Variants in KCNH7 observed in about 807,000 individuals in gnomAD.
The protein encoded by KCNH7 is voltage-gated inwardly rectifying potassium channel KCNH7.
Under a neutral mutation model 120.8 loss-of-function variants are expected in KCNH7, and 49 were observed. The observed-to-expected ratio is 0.41, with a 90% CI of 0.32 to 0.51. The LOEUF (loss-of-function observed/expected upper bound fraction) is 0.51, where lower values mean the gene tolerates loss of function less well. KCNH7 is among the 20% of genes least tolerant of loss of function. The pLI is 0.38. For synonymous variants in KCNH7, 547 were observed against 516.1 expected, an observed-to-expected ratio of 1.06 and a Z score of -0.81; for missense variants, 1,097 against 1,446.6, an observed-to-expected ratio of 0.76 and a Z score of 3.92.
At chr2:162,605,031 T>C (rs1559040545) in intron 2 of KCNH7, among the ~76,000 whole-genome samples, 1 of 152,098 alleles carries the variant, frequency 6.6e-6, no homozygotes, top group Non-Finnish European at 1.5e-5. Flanking sequence ...ATTTCATAAA[T>C]GAGTCCTAAA....
At chr2:162,597,304 T>G (rs1181356520) in intron 2 of KCNH7, among the ~76,000 whole-genome samples, 1 of 152,050 alleles carries the variant, frequency 6.6e-6, no homozygotes, top group Non-Finnish European at 1.5e-5. Context: ...AAATGCTCGA[T>G]GATCAATTGA....
rs139672216 is a variant in KCNH7 at position 162,764,914 on chromosome 2, T to C, written c.307+71623A>G. Among the ~76,000 whole-genome samples the C allele has an allele frequency of 6.7e-3, 1,028 of 152,298 alleles. 6 individuals are homozygous for C. The highest frequency in any genetic ancestry group is 0.023 in the African/African-American group (974 of 41,560). ...AACATATTTTGGTTAGCCAACATAATTTTTTAAAGCTGTTATATTTTTAAA... is the reference window on the plus strand; with the variant it reads ...AACATATTTTGGTTAGCCAACATAACTTTTTAAAGCTGTTATATTTTTAAA... On this transcript the variant is annotated intron_variant, in intron 2 of 15. Coordinates refer to ENST00000332142, the MANE Select transcript of KCNH7 (RefSeq NM_033272.4).
At chr2:162,771,156 T>C (rs1222150308) in intron 2 of KCNH7, among the ~76,000 whole-genome samples, 1 of 152,152 alleles carries the variant, frequency 6.6e-6, no homozygotes, top group Admixed American at 6.5e-5. Context: ...CCATTTCCAT[T>C]TTCTGAAGCA....
At chr2:162,450,316 C>T (rs1427522424) in intron 6 of KCNH7, among the ~76,000 whole-genome samples, 1 of 152,006 alleles carries the variant, frequency 6.6e-6, no homozygotes, top group Non-Finnish European at 1.5e-5. Flanking sequence ...GACACAGAAC[C>T]ACTGCAATTT....
At chr2:162,750,832 C>T (rs1688514245) in intron 2 of KCNH7, among the ~76,000 whole-genome samples, 1 of 152,024 alleles carries the variant, frequency 6.6e-6, no homozygotes. Context: ...GAAAGTTATG[C>T]CTCTCAATAT....
chr2:162,590,192 G>A (rs1333029383), intron 2 of KCNH7, among the ~76,000 whole-genome samples: 2 of 151,998 alleles, frequency 1.3e-5, no homozygotes, highest in South Asian at 4.1e-4. Flanking sequence ...AAATACACCT[G>A]AAAATAGTTT....
chr2:162,532,068 T>G (rs1383549437), intron 3 of KCNH7, among the ~76,000 whole-genome samples: 1 of 151,772 alleles, frequency 6.6e-6, no homozygotes, highest in Non-Finnish European at 1.5e-5. Context: ...TATATAAACC[T>G]TGGAGATTTA....
intron 2 of KCNH7, among the ~76,000 whole-genome samples, chr2:162,542,322 C>T (rs1692336570): frequency 6.7e-6 from 1 of 150,148 alleles, no homozygotes; most frequent in African/African-American, 2.5e-5. Context: ...CATATGTATT[C>T]ATGTGCCATG....
chr2:162,608,443 T>A (rs1682853270), intron 2 of KCNH7, among the ~76,000 whole-genome samples: 1 of 152,180 alleles, frequency 6.6e-6, no homozygotes, highest in South Asian at 2.1e-4. Flanking sequence ...TCAGAAGCCA[T>A]TTCTCTGATT....
intron 6 of KCNH7, among the ~76,000 whole-genome samples, chr2:162,468,936 G>A (rs1413637883): frequency 2.6e-5 from 4 of 151,290 alleles, no homozygotes; most frequent in African/African-American, 9.7e-5. Flanking sequence ...CTGTAACCTC[G>A]AACTTCCAGG....
chr2:162,703,098 A>T (rs1244727886), intron 2 of KCNH7, among the ~76,000 whole-genome samples: 2 of 152,194 alleles, frequency 1.3e-5, no homozygotes, highest in Non-Finnish European at 2.9e-5. Context: ...TGTGATACAC[A>T]TTTAAAAGAA....
At chr2:162,603,057 C>T (rs1005036382) in intron 2 of KCNH7, among the ~76,000 whole-genome samples, 1 of 151,486 alleles carries the variant, frequency 6.6e-6, no homozygotes, top group Non-Finnish European at 1.5e-5. Context: ...TGAGGAGATA[C>T]TTTCAGAACC....
At chr2:162,569,858 C>T (rs1190729595) in intron 2 of KCNH7, among the ~76,000 whole-genome samples, 11 of 116,598 alleles carry the variant, frequency 9.4e-5, no homozygotes, top group African/African-American at 3.0e-4. Context: ...GATTCTTAAT[C>T]CTGAGTTCTA....
At chr2:162,702,515 T>C (rs1686547447) in intron 2 of KCNH7, among the ~76,000 whole-genome samples, 1 of 152,162 alleles carries the variant, frequency 6.6e-6, no homozygotes. Flanking sequence ...TTAAATTGCT[T>C]AAAAATTATC....
chr2:162,643,551 G>A lies in KCNH7; in HGVS notation c.308-106471C>T, dbSNP rs1326917710. On this transcript the variant is annotated intron_variant, in intron 2 of 15. Coordinates refer to ENST00000332142, the MANE Select transcript of KCNH7 (RefSeq NM_033272.4). ...CCGCCGGGCGAGGTGGCTCACACCTGTAACCCCAGCACTTTGGGAGGCCAA... is the reference window on the plus strand; with the variant it reads ...CCGCCGGGCGAGGTGGCTCACACCTATAACCCCAGCACTTTGGGAGGCCAA... Among the ~76,000 whole-genome samples, 6 of 152,052 alleles carry A rather than the reference G, an allele frequency of 3.9e-5. No individual in the cohort carries two copies. The East Asian group carries it at 1.2e-3, about 29-fold the overall frequency.
intron 10 of KCNH7, among the ~76,000 whole-genome samples, chr2:162,399,185 G>A (rs907949687): frequency 2.0e-5 from 3 of 151,710 alleles, no homozygotes; most frequent in South Asian, 2.1e-4. Context: ...AAGGATAGGC[G>A]TTATCATAGG....
At chr2:162,832,898 T>A (rs1008615256) in intron 2 of KCNH7, among the ~76,000 whole-genome samples, 2 of 152,120 alleles carry the variant, frequency 1.3e-5, no homozygotes, top group Non-Finnish European at 2.9e-5. Context: ...CTGACTGGAT[T>A]AGGCAAGGAC....
intron 12 of KCNH7, among the ~76,000 whole-genome samples, chr2:162,389,339 T>C (rs1214084538): frequency 5.3e-5 from 8 of 152,002 alleles, no homozygotes; most frequent in Admixed American, 3.9e-4. Context: ...CACAGGCCAA[T>C]GTCCCTTTTG....
At chr2:162,794,103 A>C (rs1684051348) in intron 2 of KCNH7, among the ~76,000 whole-genome samples, 2 of 152,046 alleles carry the variant, frequency 1.3e-5, no homozygotes, top group Admixed American at 1.3e-4. Context: ...AAAATAAATA[A>C]AATTTACCTG....
Sources: gnomAD v4.1 joint callset for allele counts (sites outside exome capture counted in the v4.1 genomes callset) on GRCh38, gnomAD v4.1.1 for gene constraint, MANE v1.5 for transcripts, NCBI Gene and HGNC (gene_info 2026-07-23, HGNC 2026-07-21) for gene names.